Variants in PRORP observed in about 807,000 individuals in gnomAD.
The protein encoded by PRORP is mitochondrial ribonuclease P catalytic subunit.
In PRORP, 51 loss-of-function variants were observed where a neutral mutation model predicts 59.4. That is an observed-to-expected ratio of 0.86 (90% CI 0.69 to 1.08). The LOEUF is 1.08. Ranked by LOEUF, PRORP falls within the 50% of genes least tolerant of loss-of-function variation. The pLI, the probability that PRORP is intolerant of heterozygous loss-of-function variation, is 0.00. For missense variants in PRORP, 646 were observed against 690.3 expected (o/e 0.94, Z 0.72); for synonymous variants, 231 against 245.6 (o/e 0.94, Z 0.55).
chr14:35,223,540 A>C (rs2049851657), intron 5 of PRORP, among the ~76,000 whole-genome samples: 1 of 146,000 alleles, frequency 6.8e-6, no homozygotes, highest in Non-Finnish European at 1.5e-5. Flanking sequence ...GCTCACTGCA[A>C]CCTCTGCCTC....
chr14:35,266,511 C>A (rs2051046524), intron 5 of PRORP, among the ~76,000 whole-genome samples: 1 of 151,860 alleles, frequency 6.6e-6, no homozygotes, highest in South Asian at 2.1e-4. Context: ...CCCCCCCCTG[C>A]AATGTAGCCT....
intron 5 of PRORP, among the ~76,000 whole-genome samples, chr14:35,204,337 G>A (rs1206862017): frequency 6.6e-6 from 1 of 152,148 alleles, no homozygotes; most frequent in Non-Finnish European, 1.5e-5. Context: ...CAAGACTCCT[G>A]CCTCCCTAGT....
chr14:35,139,179 G>A (rs963671056), intron 4 of PRORP, among the ~76,000 whole-genome samples: 4 of 145,562 alleles, frequency 2.7e-5, no homozygotes, highest in African/African-American at 9.8e-5. Flanking sequence ...CTGGTCTTGA[G>A]CTCCTGGGCT....
At position 35,190,726 on chromosome 14, in the gene PRORP, A is replaced by G. The variant is rs550328450; in HGVS notation, c.1275+9949A>G. Among the ~76,000 whole-genome samples, 23 of 152,026 alleles carry G rather than the reference A, an allele frequency of 1.5e-4. No homozygotes were observed. In the East Asian group the frequency reaches 4.3e-3, roughly 28 times the overall value. On this transcript the variant is annotated intron_variant, in intron 5 of 7. Transcript: ENST00000534898. The stretch of plus-strand genomic sequence containing the variant: ...TCACCATGTTGGCCAGGATGGTCTC[A>G]ATCTCCTGACCTCCTGATCCGACTA...
chr14:35,214,320 G>A (rs79233126), intron 5 of PRORP, among the ~76,000 whole-genome samples: 42 of 152,166 alleles, frequency 2.8e-4, no homozygotes, highest in Non-Finnish European at 4.7e-4. Context: ...AATTGTAGGA[G>A]TTTAGAATAA....
chr14:35,238,015 C>T (rs1041454280), intron 5 of PRORP, among the ~76,000 whole-genome samples: 3 of 151,966 alleles, frequency 2.0e-5, no homozygotes, highest in Non-Finnish European at 4.4e-5. Context: ...ACTCTAAATA[C>T]AGTGCACATA....
At chr14:35,232,855 A>G (rs1395587308) in intron 5 of PRORP, among the ~76,000 whole-genome samples, 1 of 151,992 alleles carries the variant, frequency 6.6e-6, no homozygotes, top group East Asian at 1.9e-4. Context: ...TTGTATTTTT[A>G]GTAGAGGCGG....
At chr14:35,200,755 A>G (rs1384784251) in intron 5 of PRORP, among the ~76,000 whole-genome samples, 1 of 151,990 alleles carries the variant, frequency 6.6e-6, no homozygotes, top group East Asian at 1.9e-4. Flanking sequence ...TTCAAAGATT[A>G]GTAGAGTTCT....
Position 35,270,585 on chromosome 14 carries a change from C to G in PRORP, c.1609C>G (p.Leu537Val). Residue 537 changes from leucine (L) to valine (V), a missense_variant, in exon 7 of 8, where the codon CTA becomes GTA. By Grantham distance (32) the Leu-to-Val change is conservative. Transcript: ENST00000534898. ...TGTAAATAGGTTTCCAGGATCAAAA[C>G]TAACCTTTCAGGTAATGGTACCTGT... ...AIVNRFPGSK[L>V]TFQRILSYDT... 6.2e-7 allele frequency: 1 copy of G among 1,614,070 alleles called. No homozygotes were observed. Among genetic ancestry groups the G allele is most frequent in the Non-Finnish European group, 8.5e-7 (1 of 1,179,912 alleles).
chr14:35,207,605 ATG>A (rs2049326901), intron 5 of PRORP, among the ~76,000 whole-genome samples: 1 of 152,200 alleles, frequency 6.6e-6, no homozygotes, highest in Non-Finnish European at 1.5e-5. Context: ...AGTTTAAAGA[ATG>A]TGTTATAGTG....
chr14:35,197,793 A>G (rs949428043), intron 5 of PRORP, among the ~76,000 whole-genome samples: 14 of 152,238 alleles, frequency 9.2e-5, no homozygotes, highest in African/African-American at 3.4e-4. Context: ...AGAAAATAAA[A>G]TAAATTTAAA....
At chr14:35,128,475 C>G (rs1156931031) in intron 4 of PRORP, among the ~76,000 whole-genome samples, 1 of 151,926 alleles carries the variant, frequency 6.6e-6, no homozygotes. Flanking sequence ...CTGGGCTTTT[C>G]TTTGCTGGGA....
In PRORP at chr14:35,174,621, C is replaced by T. The variant is rs551027086; in HGVS notation, c.1168-6049C>T. On this transcript the variant is annotated intron_variant, in intron 4 of 7. Transcript: ENST00000534898. ...AAAGCCTCTTAATGACAAAAGAGGA[C>T]CTATACGTTTTACAGCCTTGTTCTT... Among the ~76,000 whole-genome samples the T allele has an allele frequency of 2.3e-4, 35 of 152,180 alleles. No homozygotes were observed. The South Asian group carries it at 2.5e-3, about 11-fold the overall frequency.
intron 5 of PRORP, among the ~76,000 whole-genome samples, chr14:35,196,053 A>G (rs895924649): frequency 6.6e-6 from 1 of 152,246 alleles, no homozygotes; most frequent in African/African-American, 2.4e-5. Context: ...ATATCCCCCA[A>G]TAAATATCAT....
At chr14:35,122,078 C>T, upstream of PRORP, 2 of 1,048,628 alleles carry the variant, frequency 1.9e-6, no homozygotes, top group Non-Finnish European at 2.9e-6. Context: ...CAACCACCAT[C>T]TTGATCGAGG....
At chr14:35,161,971 C>T (rs189010580) in intron 4 of PRORP, among the ~76,000 whole-genome samples, 84 of 152,120 alleles carry the variant, frequency 5.5e-4, no homozygotes, top group African/African-American at 2.0e-3. Context: ...CTTTTTCAGT[C>T]CTTCATCTAG....
At chr14:35,151,687 A>T (rs183501932) in intron 4 of PRORP, among the ~76,000 whole-genome samples, 49 of 148,566 alleles carry the variant, frequency 3.3e-4, no homozygotes, top group African/African-American at 1.1e-3. Flanking sequence ...CAGAGCTTTT[A>T]CTATATATCT....
At chr14:35,245,626 A>T (rs2050464732) in intron 5 of PRORP, among the ~76,000 whole-genome samples, 2 of 152,198 alleles carry the variant, frequency 1.3e-5, no homozygotes, top group South Asian at 4.1e-4. Context: ...AGCCTAGGCA[A>T]CAGAATGAGA....
At chr14:35,206,847 C>T (rs1456421053) in intron 5 of PRORP, among the ~76,000 whole-genome samples, 1 of 152,132 alleles carries the variant, frequency 6.6e-6, no homozygotes, top group East Asian at 1.9e-4. Flanking sequence ...TATTAAGATG[C>T]ATAATTTATA....
Sources: allele counts gnomAD v4.1 joint callset (sites outside exome capture counted in the v4.1 genomes callset), GRCh38; gene constraint gnomAD v4.1.1; transcripts MANE v1.5; gene names NCBI Gene and HGNC (gene_info 2026-07-23, HGNC 2026-07-21).